The following CRYZL1 variants were observed in gnomAD, a reference collection of about 807,000 sequenced individuals.
CRYZL1 encodes the protein ferry endosomal RAB5 effector complex subunit 4.
CRYZL1 carries 34 observed loss-of-function variants against 50.6 expected under a neutral mutation model. That is an observed-to-expected ratio of 0.67 (90% CI 0.51 to 0.89). The LOEUF (loss-of-function observed/expected upper bound fraction) is 0.89, where lower values mean the gene tolerates loss of function less well. Ranked by LOEUF, CRYZL1 falls within the 40% of genes least tolerant of loss-of-function variation. The probability of loss-of-function intolerance (pLI) is 0.00; values close to 1 mark genes in which losing one functional copy is unlikely to be tolerated. For missense variants in CRYZL1, 354 were observed against 402.3 expected (o/e 0.88, Z 1.03); for synonymous variants, 125 against 134.3 (o/e 0.93, Z 0.48).
chr21:33,627,042 C>T (rs900876359), intron 2 of CRYZL1, among the ~76,000 whole-genome samples: 1 of 152,164 alleles, frequency 6.6e-6, no homozygotes, highest in African/African-American at 2.4e-5. Flanking sequence ...GAATTTTACT[C>T]ATGATTTTGT....
At chr21:33,597,610 C>CTT (rs1491532109) in intron 9 of CRYZL1, among the ~76,000 whole-genome samples, 2 of 63,040 alleles carry the variant, frequency 3.2e-5, no homozygotes, top group Non-Finnish European at 6.3e-5. Context: ...TCCGCCGGCA[C>CTT]TCTCTTTTTG....
chr21:33,615,152 CTCTTTT>C (rs1337040794), intron 5 of CRYZL1, among the ~76,000 whole-genome samples: 2 of 120,884 alleles, frequency 1.7e-5, no homozygotes, highest in South Asian at 2.7e-4. Flanking sequence ...TTTTCTTTCT[CTCTTTT>C]TTTTTTTTTT....
rs1397819680 is a variant in CRYZL1 at position 33,603,456 on chromosome 21, T to C, written c.413A>G (p.Tyr138Cys). The change falls in exon 7 of 13, where the codon TAT (tyrosine) becomes TGT (cysteine). Residue 138 changes from tyrosine (Y) to cysteine (C), a missense_variant. Transcript: ENST00000381554. ...DGVRAYTALHYLSHLSPGKSV... is the reference protein window; with the variant it reads ...DGVRAYTALHCLSHLSPGKSV... ...TTTTCCAGGAGAGAGATGAGAAAGA[T>C]AATGCAGAGCTGTATAGGCACGCAC... The C allele has an allele frequency of 4.3e-6, 7 of 1,614,082 alleles. No individual in the cohort carries two copies. The African/African-American group carries it at 5.3e-5, about 12-fold the overall frequency.
chr21:33,619,484 A>C (rs1223869835), intron 4 of CRYZL1, among the ~76,000 whole-genome samples: 1 of 152,278 alleles, frequency 6.6e-6, no homozygotes, highest in Non-Finnish European at 1.5e-5. Flanking sequence ...GGAAGGCAGG[A>C]ATTAGTGTTC....
rs142147861 is a variant in CRYZL1 at position 33,627,306 on chromosome 21, C to T, written c.67-2546G>A. ...AGAAATAGGGGTCTCACTTTTTTGC[C>T]CAGGCTGGTCTTGAATTCCTGGGCT... On this transcript the variant is annotated intron_variant, in intron 2 of 12. Transcript: ENST00000381554. Among the ~76,000 whole-genome samples, 90 of 152,088 alleles carry T rather than the reference C, an allele frequency of 5.9e-4. 1 individual carries two copies. Among genetic ancestry groups the T allele is most frequent in the Admixed American group, 1.6e-3 (24 of 15,270 alleles).
chr21:33,609,468 ATTTAT>A (rs1435406625), intron 6 of CRYZL1, among the ~76,000 whole-genome samples: 1 of 151,494 alleles, frequency 6.6e-6, no homozygotes, highest in African/African-American at 2.4e-5. Flanking sequence ...TCTAGTTATT[ATTTAT>A]TTATTTTTTT....
chr21:33,614,265 GC>G (rs2086904100), intron 5 of CRYZL1, among the ~76,000 whole-genome samples: 1 of 151,880 alleles, frequency 6.6e-6, no homozygotes, highest in South Asian at 2.1e-4. Context: ...CAGGAGGATT[GC>G]TTGAGGCCAG....
intron 1 of CRYZL1, among the ~76,000 whole-genome samples, chr21:33,637,184 G>A (rs1428164348): frequency 3.3e-5 from 5 of 152,264 alleles, no homozygotes; most frequent in Non-Finnish European, 7.3e-5. Flanking sequence ...GGTGGCTCAC[G>A]CCTGTAATCC....
At chr21:33,612,964 T>C (rs2086889664) in intron 6 of CRYZL1, among the ~76,000 whole-genome samples, 1 of 152,078 alleles carries the variant, frequency 6.6e-6, no homozygotes, top group Non-Finnish European at 1.5e-5. Context: ...GCTGGAATTA[T>C]AGGTGCGTGT....
chr21:33,640,593 CTAT>C (rs1401024936), intron 1 of CRYZL1, among the ~76,000 whole-genome samples: 2 of 152,162 alleles, frequency 1.3e-5, no homozygotes, highest in African/African-American at 4.8e-5. Flanking sequence ...GCTATTTTGA[CTAT>C]TATTTCTGTA....
intron 3 of CRYZL1, 55 bp downstream of exon 3, chr21:33,624,628 T>C (rs775091857): frequency 1.3e-6 from 2 of 1,595,808 alleles, no homozygotes; most frequent in Admixed American, 1.8e-5. Context: ...ATTTATACAC[T>C]AAATACACTA....
At chr21:33,637,520 G>T (rs1041697358) in intron 1 of CRYZL1, among the ~76,000 whole-genome samples, 1 of 150,882 alleles carries the variant, frequency 6.6e-6, no homozygotes, top group African/African-American at 2.4e-5. Flanking sequence ...GGGCTGTGGC[G>T]ATAGGCTGCC....
At chr21:33,620,105 T>C (rs2086976698) in intron 4 of CRYZL1, among the ~76,000 whole-genome samples, 1 of 152,224 alleles carries the variant, frequency 6.6e-6, no homozygotes, top group South Asian at 2.1e-4. Flanking sequence ...TTTATTTTTC[T>C]ACAGTCTGAG....
intron 8 of CRYZL1, among the ~76,000 whole-genome samples, chr21:33,600,530 G>A (rs893481399): frequency 5.9e-5 from 9 of 151,890 alleles, no homozygotes; most frequent in Admixed American, 5.9e-4. Flanking sequence ...AGGAGGAAGA[G>A]GACAAAAGGG....
At chr21:33,616,645 GA>G (rs779290693) in intron 5 of CRYZL1, 60 bp downstream of exon 5, 1 of 1,600,388 alleles carries the variant, frequency 6.2e-7, no homozygotes, top group Non-Finnish European at 8.5e-7. Context: ...TAGTTATATA[GA>G]AAAAACAGAG....
intron 5 of CRYZL1, chr21:33,616,439 T>C (rs6517184): frequency 0.79 from 258,023 of 328,314 alleles, 102,464 homozygotes; most frequent in East Asian, 0.98. Flanking sequence ...ATTACAGGCA[T>C]GTGCCACCAT....
chr21:33,590,243 C>G (rs2086629958), intron 12 of CRYZL1, among the ~76,000 whole-genome samples: 1 of 152,084 alleles, frequency 6.6e-6, no homozygotes, highest in South Asian at 2.1e-4. Context: ...TCTTGAACTC[C>G]TAGCCTCAAG....
chr21:33,634,861 TA>T (rs1340133602), intron 1 of CRYZL1, among the ~76,000 whole-genome samples: 1 of 134,486 alleles, frequency 7.4e-6, no homozygotes, highest in Non-Finnish European at 1.5e-5. Flanking sequence ...TAGTATCCCT[TA>T]AAACAAACAA....
intron 1 of CRYZL1, among the ~76,000 whole-genome samples, chr21:33,633,403 C>T (rs1601351508): frequency 6.6e-6 from 1 of 152,076 alleles, no homozygotes; most frequent in East Asian, 1.9e-4. Flanking sequence ...TTAGATATAT[C>T]AATTAAAGTT....
Sources: gnomAD v4.1 joint callset for allele counts (sites outside exome capture counted in the v4.1 genomes callset) on GRCh38, gnomAD v4.1.1 for gene constraint, MANE v1.5 for transcripts, NCBI Gene and HGNC (gene_info 2026-07-23, HGNC 2026-07-21) for gene names.